Variants in EPS15 observed in about 807,000 individuals in gnomAD.
The protein encoded by EPS15 is epidermal growth factor receptor pathway substrate 15.
In EPS15, 72 loss-of-function variants were observed where a neutral mutation model predicts 113.8. That is an observed-to-expected ratio of 0.63 (90% confidence interval 0.52 to 0.77). The LOEUF is 0.77. Among genes scored for constraint, EPS15 ranks in the 30% least tolerant of loss-of-function variants. The pLI is 0.00. For missense variants in EPS15, 1,048 were observed against 1,045.8 expected (o/e 1.00, Z -0.03); for synonymous variants, 344 against 363.4 (o/e 0.95, Z 0.61).
chr1:51,457,075 G>A (rs991339222), intron 8 of EPS15, among the ~76,000 whole-genome samples: 1 of 152,078 alleles, frequency 6.6e-6, no homozygotes, highest in African/African-American at 2.4e-5. Flanking sequence ...CACGAGGTCA[G>A]GAGATCAAGA....
intron 12 of EPS15, among the ~76,000 whole-genome samples, chr1:51,427,654 TA>T (rs1322390425): frequency 2.0e-5 from 3 of 152,202 alleles, no homozygotes; most frequent in African/African-American, 7.2e-5. Flanking sequence ...GTGCAGATAA[TA>T]ATGTCATATT....
chr1:51,502,040 G>A (rs1211258216), intron 1 of EPS15, among the ~76,000 whole-genome samples: 3 of 152,134 alleles, frequency 2.0e-5, no homozygotes, highest in African/African-American at 7.2e-5. Context: ...CGAAGGATGT[G>A]AGAATCACTT....
rs541731268 is a variant in EPS15 at position 51,441,056 on chromosome 1, C to T, written c.955-624G>A. On this transcript the variant is annotated intron_variant, in intron 11 of 24. Coordinates refer to ENST00000371733, the MANE Select transcript of EPS15 (RefSeq NM_001981.3). ...AGTTTTCTTTCAACAATGAAGGTTA[C>T]AAAATTGGTCTCTGAATGGTCCTTG... 1.7e-4 allele frequency among the ~76,000 whole-genome samples: 26 copies of T among 152,148 alleles called. 1 individual carries two copies. The South Asian group carries it at 5.2e-3, about 30-fold the overall frequency.
At chr1:51,493,577 TAAAA>T (rs1202618612) in intron 1 of EPS15, among the ~76,000 whole-genome samples, 31 of 133,078 alleles carry the variant, frequency 2.3e-4, no homozygotes, top group South Asian at 1.2e-3. Flanking sequence ...AATAAATAAA[TAAAA>T]ATAAAGCTCT....
At chr1:51,357,772 C>G (rs1296282431) in intron 24 of EPS15, among the ~76,000 whole-genome samples, 4 of 145,088 alleles carry the variant, frequency 2.8e-5, no homozygotes, top group African/African-American at 5.1e-5. Flanking sequence ...AGAGTTTTCG[C>G]TCTTGTTGCC....
At chr1:51,449,131 AT>A (rs1653317705) in intron 8 of EPS15, among the ~76,000 whole-genome samples, 1 of 152,212 alleles carries the variant, frequency 6.6e-6, no homozygotes, top group Non-Finnish European at 1.5e-5. Flanking sequence ...ATAAAGACAT[AT>A]GCACACATAT....
intron 21 of EPS15, among the ~76,000 whole-genome samples, chr1:51,387,321 A>G (rs974321788): frequency 2.0e-5 from 3 of 152,220 alleles, no homozygotes; most frequent in African/African-American, 4.8e-5. Context: ...TGAAGGAAGC[A>G]CTAAACATGG....
chr1:51,408,050 T>G, intron 15 of EPS15, 85 bp downstream of exon 15: 1 of 1,180,368 alleles, frequency 8.5e-7, no homozygotes, highest in Non-Finnish European at 1.3e-6. Context: ...GGCAAGAGGT[T>G]GAAGGAGCAG....
At chr1:51,368,051 G>C (rs567791182) in intron 21 of EPS15, among the ~76,000 whole-genome samples, 1 of 152,154 alleles carries the variant, frequency 6.6e-6, no homozygotes, top group Non-Finnish European at 1.5e-5. Context: ...AGAATCACTT[G>C]AACCTGGAAG....
intron 18 of EPS15, 77 bp from the exon 19 acceptor site, chr1:51,401,030 C>A: frequency 1.1e-6 from 1 of 899,156 alleles, no homozygotes; most frequent in South Asian, 1.7e-5. Flanking sequence ...GAGTAACTTT[C>A]AAACAAAAGC....
At position 51,372,422 on chromosome 1, in the gene EPS15, T is replaced by C. The variant is rs917456588; in HGVS notation, c.2120-6393A>G. The C allele has an allele frequency of 7.5e-6, 4 of 534,894 alleles. No homozygotes were observed. The African/African-American group carries it at 7.7e-5, about 10-fold the overall frequency. 33.1% of individuals were successfully genotyped at this position (534,894 alleles called of 1,614,324 possible). On this transcript the variant is annotated intron_variant, in intron 21 of 24. Coordinates refer to ENST00000371733, the MANE Select transcript of EPS15 (RefSeq NM_001981.3). Reference sequence around the variant, plus strand: ...CAAAAGTACTTGATGTATCCAACAGTTCTGGAGTCCCTTTTGATGAAGATG... The same window carrying C: ...CAAAAGTACTTGATGTATCCAACAGCTCTGGAGTCCCTTTTGATGAAGATG...
Position 51,364,008 on chromosome 1 carries a change from A to G in EPS15, c.2217T>C (p.Phe739=), listed in dbSNP as rs751657183. The change falls in exon 23 of 25, where the codon TTT becomes TTC. Residue 739 remains phenylalanine (F), a synonymous_variant. Coordinates refer to ENST00000371733, the MANE Select transcript of EPS15 (RefSeq NM_001981.3). ...TGACAGAGCTCGATGTGGCTGAACG[A>G]AAAGGATCTTCATTGTTGACCTTTG... is the stretch of plus-strand genomic sequence containing the variant. ...TLSKVNNEDP[F]RSATSSSVSN... 6.8e-6 allele frequency: 11 copies of G among 1,612,532 alleles called. No individual in the cohort carries two copies. The highest frequency in any genetic ancestry group is 6.6e-5 in the South Asian group (6 of 90,776).
At chr1:51,492,594 T>C (rs1027660979) in intron 1 of EPS15, among the ~76,000 whole-genome samples, 1 of 152,172 alleles carries the variant, frequency 6.6e-6, no homozygotes, top group Non-Finnish European at 1.5e-5. Context: ...ACAACTCAAT[T>C]TGATCAAAAA....
intron 20 of EPS15, among the ~76,000 whole-genome samples, chr1:51,395,376 C>T (rs1012933787): frequency 6.6e-6 from 1 of 152,116 alleles, no homozygotes; most frequent in Non-Finnish European, 1.5e-5. Context: ...TATCATTTTA[C>T]GTTTAGAATG....
intron 12 of EPS15, among the ~76,000 whole-genome samples, chr1:51,432,168 A>C (rs1286239226): frequency 1.3e-5 from 2 of 152,334 alleles, no homozygotes; most frequent in East Asian, 3.9e-4. Context: ...ACTATAATAC[A>C]TCTCAATAAT....
At position 51,354,561 on chromosome 1, in the gene EPS15, G is replaced by T. The variant is rs1298062484; in HGVS notation, c.*2139C>A. On this transcript the variant is annotated 3_prime_UTR_variant, in exon 25 of 25. Transcript: ENST00000371733. Reference sequence around the variant, plus strand: ...GTATGTAGAAGACATTTAAAACTTTGTAAGTAGTGCCACTTAGCTCTGGGC... The same window carrying T: ...GTATGTAGAAGACATTTAAAACTTTTTAAGTAGTGCCACTTAGCTCTGGGC... 6.6e-6 allele frequency: 1 copy of T among 151,868 alleles called. No individual in the cohort carries two copies. Among genetic ancestry groups the T allele is most frequent in the Non-Finnish European group, 1.4e-5 (1 of 69,744 alleles). 9.4% of individuals were successfully genotyped at this position (151,868 alleles called of 1,614,324 possible).
At chr1:51,470,899 G>A (rs1480205980) in intron 4 of EPS15, among the ~76,000 whole-genome samples, 1 of 152,058 alleles carries the variant, frequency 6.6e-6, no homozygotes, top group Non-Finnish European at 1.5e-5. Context: ...CTGACTACAT[G>A]GCACCTAGGT....
At position 51,437,492 on chromosome 1, in the gene EPS15, A is replaced by AT. The variant is rs765352350; in HGVS notation, c.1040+2854dup. On this transcript the variant is annotated intron_variant, in intron 12 of 24. Coordinates refer to ENST00000371733, the MANE Select transcript of EPS15 (RefSeq NM_001981.3). The stretch of plus-strand genomic sequence containing the variant: ...TTGATCCCTGGACTAAAAAAAAAAA[A>AT]TTTTTTTTTTTTTTTTTTGAGACAA... Among the ~76,000 whole-genome samples, 701 of 136,864 alleles carry AT rather than the reference A, an allele frequency of 5.1e-3. 1 individual carries two copies. Among genetic ancestry groups the AT allele is most frequent in the Middle Eastern group, 0.023 (6 of 260 alleles). The allele number at this position is 136,864 out of a possible 152,430, so 89.8% of individuals were successfully genotyped here. A position where few individuals can be genotyped will look rare whatever the true frequency, so the allele number is the denominator to read the frequency against.
At chr1:51,414,210 G>A (rs925487226) in intron 13 of EPS15, among the ~76,000 whole-genome samples, 13 of 152,012 alleles carry the variant, frequency 8.6e-5, no homozygotes, top group South Asian at 6.2e-4. Flanking sequence ...TCAGGAGTTC[G>A]AGACCAGCCT....
Sources: allele counts gnomAD v4.1 joint callset (sites outside exome capture counted in the v4.1 genomes callset), GRCh38; gene constraint gnomAD v4.1.1; transcripts MANE v1.5; gene names NCBI Gene and HGNC (gene_info 2026-07-23, HGNC 2026-07-21).